RBBP4: variants seen among roughly 807,000 people sequenced by gnomAD.
The protein encoded by RBBP4 is RB binding protein 4, chromatin remodeling factor.
In RBBP4, 3 loss-of-function variants were observed where a neutral mutation model predicts 57.2. The observed-to-expected ratio is 0.05, with a 90% CI of 0.02 to 0.14. The LOEUF (loss-of-function observed/expected upper bound fraction) is 0.14. RBBP4 is among the 10% of genes least tolerant of loss of function. The probability of loss-of-function intolerance (pLI) is 1.00; values close to 1 mark genes in which losing one functional copy is unlikely to be tolerated. For missense variants in RBBP4, 107 were observed against 520.6 expected, an observed-to-expected ratio of 0.21 and a Z score of 7.73; for synonymous variants, 151 against 171.5, an observed-to-expected ratio of 0.88 and a Z score of 0.93.
rs1028572658 is a variant in RBBP4 at position 32,676,106 on chromosome 1, T to C, written c.1212+3205T>C. 6.6e-5 allele frequency among the ~76,000 whole-genome samples: 10 copies of C among 152,022 alleles called. No individual in the cohort carries two copies. In the South Asian group the frequency reaches 8.3e-4, roughly 13 times the overall value. Reference sequence around the variant, plus strand: ...AGAAGGATCCCTTGAGGCCAGGAGTTTGAGGCTACAGTGGGCTGTGATCAC... The same window carrying C: ...AGAAGGATCCCTTGAGGCCAGGAGTCTGAGGCTACAGTGGGCTGTGATCAC... On this transcript the variant is annotated intron_variant, in intron 11 of 11. Transcript: ENST00000373493.
rs767080361 is a variant in RBBP4, at chr1:32,669,222, T to TC, written c.762-8dup. The TC allele has an allele frequency of 4.4e-6, 7 of 1,608,732 alleles. No individual in the cohort carries two copies. Among genetic ancestry groups the TC allele is most frequent in the Non-Finnish European group, 5.9e-6 (7 of 1,178,792 alleles). ...AAGGTTTTTTTCCTTTGTTTTTTTT[T>TC]CACTGAAGTTGGGATACTCGTTCAA... On this transcript the variant is annotated splice_polypyrimidine_tract_variant and intron_variant, in intron 6 of 11. Coordinates refer to ENST00000373493, the MANE Select transcript of RBBP4 (RefSeq NM_005610.3). The surrounding 1 kb of genome is among the most constrained non-coding windows in gnomAD (Gnocchi z 4.9).
At position 32,683,943 on chromosome 1, in the gene RBBP4, G is replaced by T; in HGVS notation, c.*4238G>T. On this transcript the variant is annotated 3_prime_UTR_variant, in exon 12 of 12. Coordinates refer to ENST00000373493, the MANE Select transcript of RBBP4 (RefSeq NM_005610.3). Reference sequence around the variant, plus strand: ...CCACCCCGTCCGGCCTGTTTTTAAGGCATTAATTAGTATTGTTAGGAAAGC... The same window carrying T: ...CCACCCCGTCCGGCCTGTTTTTAAGTCATTAATTAGTATTGTTAGGAAAGC... The T allele has an allele frequency of 6.6e-7, 1 of 1,516,588 alleles. No homozygotes were observed. Among genetic ancestry groups the T allele is most frequent in the Non-Finnish European group, 9.1e-7 (1 of 1,094,474 alleles). The allele number at this position is 1,516,588 out of a possible 1,614,324, so 93.9% of individuals were successfully genotyped here. A position where few individuals can be genotyped will look rare whatever the true frequency, so the allele number is the denominator to read the frequency against.
Position 32,651,270 on chromosome 1 carries a change from G to T in RBBP4, c.-37G>T. 1.3e-6 allele frequency: 2 copies of T among 1,505,402 alleles called. No homozygotes were observed. Among genetic ancestry groups the T allele is most frequent in the African/African-American group, 1.5e-5 (1 of 68,758 alleles). 93.3% of individuals were successfully genotyped at this position (1,505,402 alleles called of 1,614,324 possible). A position where few individuals can be genotyped will look rare whatever the true frequency, so the allele number is the denominator to read the frequency against. On this transcript the variant is annotated 5_prime_UTR_variant, in exon 1 of 12. Transcript: ENST00000373493. ...GCAGCCTCCCCGCCCCTCCCGCAACGCTCGACCCCAGGATTCCCCCGGCTC... is the reference window on the plus strand; with the variant it reads ...GCAGCCTCCCCGCCCCTCCCGCAACTCTCGACCCCAGGATTCCCCCGGCTC...
Position 32,684,226 on chromosome 1 carries a change from T to G in RBBP4, c.*4521T>G. Reference sequence around the variant, plus strand: ...CTCCCACCATCCCCTCAGCCAGTATTAGATGAGATTTGTATAGCAGCAGAA... The same window carrying G: ...CTCCCACCATCCCCTCAGCCAGTATGAGATGAGATTTGTATAGCAGCAGAA... On this transcript the variant is annotated 3_prime_UTR_variant, in exon 12 of 12. Transcript: ENST00000373493. 3 of 1,613,788 alleles carry G rather than the reference T, an allele frequency of 1.9e-6. No homozygotes were observed. Among genetic ancestry groups the G allele is most frequent in the Non-Finnish European group, 2.5e-6 (3 of 1,179,682 alleles).
At position 32,681,569 on chromosome 1, in the gene RBBP4, C is replaced by G. The variant is rs951093231; in HGVS notation, c.*1864C>G. 8 of 554,084 alleles carry G rather than the reference C, an allele frequency of 1.4e-5. No homozygotes were observed. Among genetic ancestry groups the G allele is most frequent in the Non-Finnish European group, 2.3e-5 (7 of 310,850 alleles). 34.3% of individuals were successfully genotyped at this position (554,084 alleles called of 1,614,324 possible). Reference sequence around the variant, plus strand: ...CTCAGTGCATATGTGAGGGTTGTTGCTGGAAGACAGGAGGCTCATCTTTCC... The same window carrying G: ...CTCAGTGCATATGTGAGGGTTGTTGGTGGAAGACAGGAGGCTCATCTTTCC... On this transcript the variant is annotated 3_prime_UTR_variant, in exon 12 of 12. Coordinates refer to ENST00000373493, the MANE Select transcript of RBBP4 (RefSeq NM_005610.3).
chr1:32,665,330 CAGCCA>C (rs1233678675), intron 3 of RBBP4, among the ~76,000 whole-genome samples: 2 of 152,046 alleles, frequency 1.3e-5, no homozygotes, highest in East Asian at 3.8e-4. Context: ...TCTAATACGC[CAGCCA>C]TACCACCCAT....
rs370489912 is a variant in RBBP4, at chr1:32,661,301, C to CTTTTTTTTTTTTTTT, written c.310+3729_310+3730insTTTTTTTTTTTTTTT. On this transcript the variant is annotated intron_variant, in intron 3 of 11. Coordinates refer to ENST00000373493, the MANE Select transcript of RBBP4 (RefSeq NM_005610.3). ...TTGAATGGTAGTTCTATTTTTAGTT[C>CTTTTTTTTTTTTTTT]CTTTTTTTTTTTTTTTGAGATGGAG... 1.5e-5 allele frequency among the ~76,000 whole-genome samples: 2 copies of CTTTTTTTTTTTTTTT among 132,106 alleles called. 1 individual carries two copies. 86.7% of individuals were successfully genotyped at this position (132,106 alleles called of 152,430 possible). A position where few individuals can be genotyped will look rare whatever the true frequency, so the allele number is the denominator to read the frequency against.
intron 3 of RBBP4, chr1:32,662,172 C>A: frequency 3.2e-6 from 1 of 309,394 alleles, no homozygotes; most frequent in Non-Finnish European, 6.6e-6. Flanking sequence ...GCTTGAGCCA[C>A]CGCGCCCGGG....
intron 11 of RBBP4, among the ~76,000 whole-genome samples, chr1:32,674,235 C>T (rs535076679): frequency 1.1e-4 from 17 of 152,186 alleles, no homozygotes; most frequent in African/African-American, 3.4e-4. Flanking sequence ...ATGGAGTTTG[C>T]GACAATTTGG....
At chr1:32,653,390 GT>G in intron 2 of RBBP4, among the ~76,000 whole-genome samples, 1 of 152,272 alleles carries the variant, frequency 6.6e-6, no homozygotes, top group Admixed American at 6.5e-5. Context: ...TGTATGCTAA[GT>G]AAATTCCTTC....
At chr1:32,652,652 T>G (rs573279211) in intron 2 of RBBP4, 20 of 152,482 alleles carry the variant, frequency 1.3e-4, no homozygotes, top group African/African-American at 4.3e-4. Context: ...GCGATTCTCC[T>G]GCCTAAGCCC....
At position 32,669,405 on chromosome 1, in the gene RBBP4, T is replaced by C; in HGVS notation, c.888+48T>C. ...GAAAACATAATTTCTCTAGGTTTTT[T>C]TGAATTGCAGAGATATTTTACTTAC... On this transcript the variant is annotated intron_variant, in intron 7 of 11. Transcript: ENST00000373493. The surrounding 1 kb of genome is among the most constrained non-coding windows in gnomAD (Gnocchi z 4.9). 1 of 1,573,588 alleles carries C rather than the reference T, an allele frequency of 6.4e-7. No homozygotes were observed. Among genetic ancestry groups the C allele is most frequent in the South Asian group, 1.2e-5 (1 of 83,644 alleles).
intron 1 of RBBP4, chr1:32,651,669 G>T (rs914061147): frequency 2.8e-6 from 2 of 726,436 alleles, no homozygotes; most frequent in Non-Finnish European, 4.3e-6. Flanking sequence ...GTTTCGGCGC[G>T]CACGAGCGTG....
In RBBP4 at chr1:32,685,260, T is replaced by C. The variant is rs1373844901; in HGVS notation, c.*5555T>C. 1.3e-5 allele frequency: 2 copies of C among 152,142 alleles called. No individual in the cohort carries two copies. The highest frequency in any genetic ancestry group is 4.8e-5 in the African/African-American group (2 of 41,442). The allele number at this position is 152,142 out of a possible 1,614,324, so 9.4% of individuals were successfully genotyped here. A position where few individuals can be genotyped will look rare whatever the true frequency, so the allele number is the denominator to read the frequency against. Reference sequence around the variant, plus strand: ...AGCCCTCAGATAACTTTCTCATTCTTCCAGAATCAGGCTGGGATGCATTCT... The same window carrying C: ...AGCCCTCAGATAACTTTCTCATTCTCCCAGAATCAGGCTGGGATGCATTCT... On this transcript the variant is annotated 3_prime_UTR_variant, in exon 12 of 12. Transcript: ENST00000373493.
chr1:32,663,316 A>G (rs915604925), intron 3 of RBBP4, among the ~76,000 whole-genome samples: 1 of 152,164 alleles, frequency 6.6e-6, no homozygotes, highest in African/African-American at 2.4e-5. Context: ...TTTTAATAAT[A>G]TTTATATGGA....
At chr1:32,664,171 T>C (rs1460607002) in intron 3 of RBBP4, among the ~76,000 whole-genome samples, 1 of 152,104 alleles carries the variant, frequency 6.6e-6, no homozygotes, top group Admixed American at 6.6e-5. Context: ...CCCTGTCAAA[T>C]TTAACAGTGA....
chr1:32,663,410 A>G (rs1350543705), intron 3 of RBBP4, among the ~76,000 whole-genome samples: 1 of 152,102 alleles, frequency 6.6e-6, no homozygotes, highest in African/African-American at 2.4e-5. Flanking sequence ...TAACAGCTTC[A>G]ACACCTATTT....
Position 32,672,763 on chromosome 1 carries a change from C to CAA in RBBP4, c.1102-27_1102-26insAA, listed in dbSNP as rs751260347. 15,715 of 1,475,194 alleles carry CAA rather than the reference C, an allele frequency of 0.011. 1,452 individuals are homozygous for CAA. In the African/African-American group the frequency reaches 0.16, roughly 15 times the overall value. 91.4% of individuals were successfully genotyped at this position (1,475,194 alleles called of 1,614,324 possible). Reference sequence around the variant, plus strand: ...AATTTAATGTCCTCTATCTGCATTTCACCTCTTTGTTTTCTTCCCTCTTTC... The same window carrying CAA: ...AATTTAATGTCCTCTATCTGCATTTCAAACCTCTTTGTTTTCTTCCCTCTTTC... On this transcript the variant is annotated intron_variant, in intron 10 of 11. Coordinates refer to ENST00000373493, the MANE Select transcript of RBBP4 (RefSeq NM_005610.3).
chr1:32,653,998 T>C (rs1023586193), intron 2 of RBBP4, among the ~76,000 whole-genome samples: 1 of 151,946 alleles, frequency 6.6e-6, no homozygotes, highest in African/African-American at 2.4e-5. Context: ...CCACATGCAA[T>C]TGATCATCAG....
Sources: allele counts gnomAD v4.1 joint callset (sites outside exome capture counted in the v4.1 genomes callset), GRCh38; gene constraint gnomAD v4.1.1; non-coding constraint Gnocchi (gnomAD v3.1); transcripts MANE v1.5; gene names NCBI Gene and HGNC (gene_info 2026-07-23, HGNC 2026-07-21).